OLFML2B: variants seen among roughly 807,000 people sequenced by gnomAD.
OLFML2B encodes the protein olfactomedin-like protein 2B.
OLFML2B carries 57 observed loss-of-function variants against 74.9 expected under a neutral mutation model. The observed-to-expected ratio is 0.76, with a 90% CI of 0.61 to 0.95. The LOEUF (loss-of-function observed/expected upper bound fraction) is 0.95. Among genes scored for constraint, OLFML2B ranks in the 40% least tolerant of loss-of-function variants. The probability of loss-of-function intolerance (pLI) is 0.00; values close to 1 mark genes in which losing one functional copy is unlikely to be tolerated. For synonymous variants in OLFML2B, 388 were observed against 405.8 expected (o/e 0.96, Z 0.53); for missense variants, 986 against 970.6 (o/e 1.02, Z -0.21).
At chr1:161,995,934 G>A (rs1200661854) in intron 6 of OLFML2B, among the ~76,000 whole-genome samples, 1 of 152,172 alleles carries the variant, frequency 6.6e-6, no homozygotes, top group Non-Finnish European at 1.5e-5. Context: ...GTTCTCAAGA[G>A]CACAAAGGCC....
rs74125102 is a variant in OLFML2B at position 162,017,807 on chromosome 1, T to C, written c.439-300A>G. Among the ~76,000 whole-genome samples the C allele has an allele frequency of 3.9e-3, 599 of 152,366 alleles. 8 individuals carry two copies. The highest frequency in any genetic ancestry group is 0.014 in the African/African-American group (565 of 41,578). Reference sequence around the variant, plus strand: ...TCTTTTATGAAATCTGTCAGTTGCATTGACATCTGTCTTTCCTACTAGACT... The same window carrying C: ...TCTTTTATGAAATCTGTCAGTTGCACTGACATCTGTCTTTCCTACTAGACT... On this transcript the variant is annotated intron_variant, in intron 2 of 7. Coordinates refer to ENST00000294794, the MANE Select transcript of OLFML2B (RefSeq NM_015441.3).
chr1:162,000,980 C>T (rs775196841), intron 4 of OLFML2B, among the ~76,000 whole-genome samples: 20 of 152,152 alleles, frequency 1.3e-4, no homozygotes, highest in Non-Finnish European at 2.2e-4. Context: ...TGTTGCGTGC[C>T]CTGCACCCCA....
chr1:162,020,143 C>A lies in OLFML2B; in HGVS notation c.214G>T (p.Gly72Cys). The change falls in exon 2 of 8, where the codon GGC (glycine) becomes TGC (cysteine). Residue 72 changes from glycine to cysteine, a missense_variant. Gly to Cys is a radical substitution (Grantham distance 159, BLOSUM62 -3). Coordinates refer to ENST00000294794, the MANE Select transcript of OLFML2B (RefSeq NM_015441.3). The part of the protein sequence containing the change: ...DYDKVKAMSE[G>C]SDCQCKCVVR... ...ACACACTTGCACTGACAGTCCGAGC[C>A]CTCAGACATAGCCTTGACCTTGTCA... 1 of 1,614,206 alleles carries A rather than the reference C, an allele frequency of 6.2e-7. No individual in the cohort carries two copies. The highest frequency in any genetic ancestry group is 1.1e-5 in the South Asian group (1 of 91,082).
chr1:161,998,145 A>G lies in OLFML2B; in HGVS notation c.1154T>C (p.Ile385Thr). The part of the protein sequence containing the change: ...LPQPSTSDPS[I>T]ANHASVGPTL... ...TGGTCCCACTGAGGCATGGTTGGCG[A>G]TGCTGGGATCTGAGGTCGAGGGCTG... is the stretch of plus-strand genomic sequence containing the variant. Residue 385 changes from isoleucine (I) to threonine (T), a missense_variant, in exon 6 of 8, where the codon ATC (isoleucine) becomes ACC (threonine). By Grantham distance (89) the Ile-to-Thr change is moderately conservative (BLOSUM62 -1). Transcript: ENST00000294794. 6.2e-7 allele frequency: 1 copy of G among 1,614,048 alleles called. No individual in the cohort carries two copies. Among genetic ancestry groups the G allele is most frequent in the Admixed American group, 1.7e-5 (1 of 60,010 alleles).
intron 7 of OLFML2B, 149 bp downstream of exon 7, chr1:161,984,655 G>A: frequency 2.4e-6 from 2 of 818,418 alleles, no homozygotes; most frequent in Non-Finnish European, 3.9e-6. Flanking sequence ...GGGGAAGGGG[G>A]ACCGCTCTCC....
intron 6 of OLFML2B, among the ~76,000 whole-genome samples, chr1:161,992,175 T>C (rs1689759555): frequency 6.6e-6 from 1 of 152,244 alleles, no homozygotes; most frequent in African/African-American, 2.4e-5. Context: ...ACTTGCATTT[T>C]TACATTATGG....
At chr1:162,016,682 G>A (rs899570575) in intron 3 of OLFML2B, among the ~76,000 whole-genome samples, 4 of 152,000 alleles carry the variant, frequency 2.6e-5, no homozygotes, top group Non-Finnish European at 4.4e-5. Context: ...TTACTTTTTG[G>A]GTGACTACAT....
rs1466625347 is a variant in OLFML2B, at chr1:162,006,427, T to C, written c.593A>G (p.Asp198Gly). The change falls in exon 4 of 8, where the codon GAC becomes GGC. Residue 198 changes from aspartate to glycine, a missense_variant. Asp to Gly is a moderately conservative substitution (Grantham distance 94). Coordinates refer to ENST00000294794, the MANE Select transcript of OLFML2B (RefSeq NM_015441.3). ...LTKENEQIKE[D>G]MEEIRTEMNK... ...CATCTCGGTTCGAATTTCTTCCATG[T>C]CCTCTTTGATTTGTTCATTTTCCTT... The C allele has an allele frequency of 3.7e-6, 6 of 1,608,338 alleles. No individual in the cohort carries two copies. The highest frequency in any genetic ancestry group is 5.1e-6 in the Non-Finnish European group (6 of 1,178,644).
chr1:161,998,624 A>G (rs1363548227), intron 5 of OLFML2B, among the ~76,000 whole-genome samples: 1 of 123,290 alleles, frequency 8.1e-6, no homozygotes, highest in Admixed American at 8.8e-5. Context: ...TGGGTCCTGA[A>G]CCCCGATGGC....
At chr1:161,989,591 A>G (rs1397397636) in intron 6 of OLFML2B, among the ~76,000 whole-genome samples, 2 of 152,218 alleles carry the variant, frequency 1.3e-5, no homozygotes, top group Admixed American at 6.5e-5. Flanking sequence ...GATCTGTGCA[A>G]TCACACAGGA....
intron 5 of OLFML2B, among the ~76,000 whole-genome samples, 155 bp from the exon 6 acceptor site, chr1:161,998,504 G>A (rs559312761): frequency 3.9e-5 from 6 of 152,290 alleles, no homozygotes; most frequent in Non-Finnish European, 8.8e-5. Flanking sequence ...TTGGAAGAAG[G>A]TGTACAGGAG....
At chr1:162,023,158 A>G in intron 1 of OLFML2B, 99 bp downstream of exon 1, 1 of 1,175,234 alleles carries the variant, frequency 8.5e-7, no homozygotes, top group Non-Finnish European at 1.1e-6. Flanking sequence ...TGGTAATGGA[A>G]GGAAAAACAG....
At chr1:161,985,429 C>T (rs551591017) in intron 6 of OLFML2B, among the ~76,000 whole-genome samples, 12 of 152,338 alleles carry the variant, frequency 7.9e-5, no homozygotes, top group South Asian at 2.1e-4. Context: ...TGCCCCCAAC[C>T]GGAGCGTAAG....
chr1:161,984,361 G>T, intron 7 of OLFML2B, 85 bp from the exon 8 acceptor site: 1 of 1,486,956 alleles, frequency 6.7e-7, no homozygotes, highest in South Asian at 1.4e-5. Context: ...GATGATCAAC[G>T]AGGGGTCTGG....
chr1:162,005,765 C>T (rs560618984), intron 4 of OLFML2B, among the ~76,000 whole-genome samples: 19 of 152,132 alleles, frequency 1.2e-4, no homozygotes, highest in Admixed American at 1.1e-3. Context: ...TATTACCAGG[C>T]ATGGTAGCAT....
intron 3 of OLFML2B, among the ~76,000 whole-genome samples, chr1:162,014,821 C>T (rs993651521): frequency 6.6e-6 from 1 of 152,244 alleles, no homozygotes; most frequent in Non-Finnish European, 1.5e-5. Flanking sequence ...CCGAACTCAA[C>T]TTTAATCCTA....
chr1:161,987,976 G>A (rs1447132731), intron 6 of OLFML2B, among the ~76,000 whole-genome samples: 1 of 152,198 alleles, frequency 6.6e-6, no homozygotes, highest in Non-Finnish European at 1.5e-5. Flanking sequence ...CTGAGAATCT[G>A]GGGCAGCTCA....
chr1:162,002,452 C>T (rs1690106825), intron 4 of OLFML2B, among the ~76,000 whole-genome samples: 1 of 152,202 alleles, frequency 6.6e-6, no homozygotes, highest in Admixed American at 6.5e-5. Context: ...CAGGGCAGGG[C>T]CTTTAGCTAC....
rs545540183 is a variant in OLFML2B at position 162,003,580 on chromosome 1, G to T, written c.723+2717C>A. ...CCAAGCTTCAATTTCCTTTCTCTAT[G>T]AATCCAAGTGTCTGCTGTATGACTT... On this transcript the variant is annotated intron_variant, in intron 4 of 7. Coordinates refer to ENST00000294794, the MANE Select transcript of OLFML2B (RefSeq NM_015441.3). Among the ~76,000 whole-genome samples, 10 of 152,258 alleles carry T rather than the reference G, an allele frequency of 6.6e-5. No homozygotes were observed. The East Asian group carries it at 1.9e-3, about 29-fold the overall frequency.
Sources: allele counts gnomAD v4.1 joint callset (sites outside exome capture counted in the v4.1 genomes callset), GRCh38; gene constraint gnomAD v4.1.1; transcripts MANE v1.5; gene names NCBI Gene and HGNC (gene_info 2026-07-23, HGNC 2026-07-21).